Variants in RGS7 observed in about 807,000 individuals in gnomAD.
The protein encoded by RGS7 is regulator of G protein signaling 7.
In RGS7, 27 loss-of-function variants were observed where a neutral mutation model predicts 81.1. The observed-to-expected ratio is 0.33, with a 90% CI of 0.25 to 0.46. The LOEUF (loss-of-function observed/expected upper bound fraction) is 0.46, where lower values mean the gene tolerates loss of function less well. RGS7 is among the 20% of genes least tolerant of loss of function. The probability of loss-of-function intolerance (pLI) is 1.00; values close to 1 mark genes in which losing one functional copy is unlikely to be tolerated. For missense variants in RGS7, 396 were observed against 607.4 expected (o/e 0.65, Z 3.66); for synonymous variants, 208 against 207.7 (o/e 1.00, Z -0.01).
At chr1:241,162,222 G>GCCCCCCCTCCCGCCC (rs68166816) in intron 2 of RGS7, among the ~76,000 whole-genome samples, 23 of 142,024 alleles carry the variant, frequency 1.6e-4, no homozygotes, top group Admixed American at 7.7e-4. Context: ...CTGGTGATCA[G>GCCCCCCCTCCCGCCC]CTTCCAAATA....
intron 2 of RGS7, among the ~76,000 whole-genome samples, chr1:241,304,648 A>G (rs972988230): frequency 7.2e-5 from 11 of 152,222 alleles, no homozygotes; most frequent in Non-Finnish European, 4.4e-5. Context: ...TTGTCTTAAC[A>G]AAGCTCTGAG....
At chr1:240,887,083 T>C (rs1667455935) in intron 6 of RGS7, among the ~76,000 whole-genome samples, 1 of 152,202 alleles carries the variant, frequency 6.6e-6, no homozygotes, top group South Asian at 2.1e-4. Flanking sequence ...GAGTTCTGTG[T>C]TAACTACAGA....
Position 241,194,774 on chromosome 1 carries a change from C to G in RGS7, c.79-96012G>C, listed in dbSNP as rs73130943. Among the ~76,000 whole-genome samples the G allele has an allele frequency of 2.0e-3, 300 of 152,270 alleles. 2 individuals are homozygous for G. The highest frequency in any genetic ancestry group is 6.8e-3 in the Middle Eastern group (2 of 294). On this transcript the variant is annotated intron_variant, in intron 2 of 18. Transcript: ENST00000440928. ...AGGGGCTTCAGGGCAAATAATCTGACAGAGGCAAGCCAAGAGATGTTCACC... is the reference window on the plus strand; with the variant it reads ...AGGGGCTTCAGGGCAAATAATCTGAGAGAGGCAAGCCAAGAGATGTTCACC...
chr1:241,087,554 A>G (rs1480654721), intron 3 of RGS7, among the ~76,000 whole-genome samples: 1 of 152,210 alleles, frequency 6.6e-6, no homozygotes, highest in Non-Finnish European at 1.5e-5. Flanking sequence ...AGTTTACACT[A>G]TCATCTGGAA....
In RGS7 at chr1:241,163,165, G is replaced by A. The variant is rs1043356899; in HGVS notation, c.79-64403C>T. Among the ~76,000 whole-genome samples, 3 of 152,128 alleles carry A rather than the reference G, an allele frequency of 2.0e-5. No individual in the cohort carries two copies. Among genetic ancestry groups the A allele is most frequent in the African/African-American group, 7.2e-5 (3 of 41,424 alleles). ...AAAAGGTCAGAAAGGGGGTTCATTCGAGGGAGCCAGGAAACGGGGCCTGAA... is the reference window on the plus strand; with the variant it reads ...AAAAGGTCAGAAAGGGGGTTCATTCAAGGGAGCCAGGAAACGGGGCCTGAA... On this transcript the variant is annotated intron_variant, in intron 2 of 18. Transcript: ENST00000440928. The surrounding 1 kb of genome is among the most constrained non-coding windows in gnomAD (Gnocchi z 4.6).
chr1:241,259,667 A>AAAAAAAAAAAAAAAAT, intron 2 of RGS7, among the ~76,000 whole-genome samples: 52 of 49,132 alleles, frequency 1.1e-3, no homozygotes, highest in South Asian at 3.2e-3. Flanking sequence ...AAAAAAAAAA[A>AAAAAAAAAAAAAAAAT]ATATATATAT....
Position 240,812,059 on chromosome 1 carries a change from C to T in RGS7, c.957-16G>A. ...CGGTTCTTTGCTATAGAAGATAAAA[C>T]AAAGGCAAATACATTCCTTTCATTA... On this transcript the variant is annotated splice_polypyrimidine_tract_variant and intron_variant, in intron 13 of 18. Coordinates refer to ENST00000440928, the MANE Select transcript of RGS7 (RefSeq NM_001364886.1). 1 of 1,614,046 alleles carries T rather than the reference C, an allele frequency of 6.2e-7. No homozygotes were observed. Among genetic ancestry groups the T allele is most frequent in the Non-Finnish European group, 8.5e-7 (1 of 1,179,966 alleles).
intron 3 of RGS7, among the ~76,000 whole-genome samples, chr1:241,090,757 A>T (rs1452020903): frequency 6.6e-6 from 1 of 152,186 alleles, no homozygotes. Flanking sequence ...TTTACAGGTG[A>T]AAAAACTATA....
At chr1:241,350,919 C>A (rs1308071991) in intron 2 of RGS7, among the ~76,000 whole-genome samples, 1 of 152,120 alleles carries the variant, frequency 6.6e-6, no homozygotes, top group Non-Finnish European at 1.5e-5. Context: ...ATATCTGTGG[C>A]CCAGTCTCTT....
intron 2 of RGS7, among the ~76,000 whole-genome samples, chr1:241,110,200 A>G (rs981569884): frequency 1.3e-5 from 2 of 152,098 alleles, no homozygotes; most frequent in African/African-American, 2.4e-5. Flanking sequence ...TAATGAACGA[A>G]ATTGTTTACA....
At chr1:241,240,758 A>G (rs1265092549) in intron 2 of RGS7, among the ~76,000 whole-genome samples, 3 of 152,236 alleles carry the variant, frequency 2.0e-5, no homozygotes, top group African/African-American at 7.2e-5. Context: ...ACAGTGTTTT[A>G]TGACATATAG....
intron 2 of RGS7, among the ~76,000 whole-genome samples, chr1:241,099,601 T>G (rs1463646045): frequency 6.6e-6 from 1 of 152,238 alleles, no homozygotes; most frequent in East Asian, 1.9e-4. Flanking sequence ...CAATGTGGAA[T>G]TTAGTTTTGA....
At chr1:241,175,791 G>C (rs1292032320) in intron 2 of RGS7, among the ~76,000 whole-genome samples, 1 of 152,114 alleles carries the variant, frequency 6.6e-6, no homozygotes, top group African/African-American at 2.4e-5. Context: ...TAGTTGGAGA[G>C]GAGGAAAAAC....
chr1:241,136,256 A>ATCAAG (rs1470836107), intron 2 of RGS7, among the ~76,000 whole-genome samples: 12 of 152,272 alleles, frequency 7.9e-5, no homozygotes, highest in Non-Finnish European at 1.3e-4. Flanking sequence ...GCTCCTCATT[A>ATCAAG]CTTCAGGAGC....
At chr1:241,099,379 TACAC>T (rs1166594310) in intron 2 of RGS7, among the ~76,000 whole-genome samples, 1 of 152,008 alleles carries the variant, frequency 6.6e-6, no homozygotes, top group Non-Finnish European at 1.5e-5. Context: ...CATGCACATG[TACAC>T]ACACACATAT....
chr1:240,796,641 G>A (rs1053040539), intron 18 of RGS7, among the ~76,000 whole-genome samples: 4 of 152,150 alleles, frequency 2.6e-5, no homozygotes, highest in African/African-American at 7.2e-5. Context: ...AGCCGAGATC[G>A]TGCCACTGCA....
intron 3 of RGS7, among the ~76,000 whole-genome samples, chr1:241,079,830 T>TTTTA (rs10700153): frequency 0.22 from 32,808 of 151,034 alleles, 3,737 homozygotes; most frequent in African/African-American, 0.29. Context: ...CCCCATAGGC[T>TTTTA]TTTATTTATT....
chr1:240,924,402 C>G (rs1572789459), intron 6 of RGS7, among the ~76,000 whole-genome samples: 1 of 152,072 alleles, frequency 6.6e-6, no homozygotes, highest in African/African-American at 2.4e-5. Context: ...AAAAGACAGG[C>G]CTTCCATTGA....
In RGS7 at chr1:241,271,694, AG is replaced by A. The variant is rs1238545928; in HGVS notation, c.78+84004del. On this transcript the variant is annotated intron_variant, in intron 2 of 18. Coordinates refer to ENST00000440928, the MANE Select transcript of RGS7 (RefSeq NM_001364886.1). This position sits in a 1 kb window ranked among gnomAD's most constrained non-coding sequence, Gnocchi z 4.6. ...ACAGAACAGAAAGGTGGAAGAAGTAAGGATTCTCTCTCTGCTGGAGTGCTTG... is the reference window on the plus strand; with the variant it reads ...ACAGAACAGAAAGGTGGAAGAAGTAAGATTCTCTCTCTGCTGGAGTGCTTG... Among the ~76,000 whole-genome samples, 1 of 152,210 alleles carries A rather than the reference AG, an allele frequency of 6.6e-6. No homozygotes were observed. The highest frequency in any genetic ancestry group is 1.5e-5 in the Non-Finnish European group (1 of 68,034).
Sources: allele counts gnomAD v4.1 joint callset (sites outside exome capture counted in the v4.1 genomes callset), GRCh38; gene constraint gnomAD v4.1.1; non-coding constraint Gnocchi (gnomAD v3.1); transcripts MANE v1.5; gene names NCBI Gene and HGNC (gene_info 2026-07-23, HGNC 2026-07-21).